The following CD226 variants were observed in gnomAD, a reference collection of about 807,000 sequenced individuals.
CD226 encodes the protein CD226 antigen.
In CD226, 24 loss-of-function variants were observed where a neutral mutation model predicts 34.9. The observed-to-expected ratio is 0.69, with a 90% CI of 0.50 to 0.97. CD226 has a LOEUF of 0.97. Ranked by LOEUF, CD226 falls within the 50% of genes least tolerant of loss-of-function variation. The probability of loss-of-function intolerance (pLI) is 0.00; values close to 1 mark genes in which losing one functional copy is unlikely to be tolerated. For synonymous variants in CD226, 148 were observed against 147.4 expected, an observed-to-expected ratio of 1.00 and a Z score of -0.03; for missense variants, 397 against 412.7, an observed-to-expected ratio of 0.96 and a Z score of 0.33.
chr18:69,884,074 C>G (rs572763529), intron 3 of CD226, among the ~76,000 whole-genome samples: 12 of 152,332 alleles, frequency 7.9e-5, no homozygotes, highest in African/African-American at 2.2e-4. Context: ...CCCCAGCAGT[C>G]AGAGAATTGT....
chr18:69,854,604 C>G lies in CD226; in HGVS notation c.*9710G>C, dbSNP rs1982561080. On this transcript the variant is annotated 3_prime_UTR_variant, in exon 6 of 6. Transcript: ENST00000582621. ...ACAATTCCCAAACCTCATCCCAGCC[C>G]CTGAAGTCTCCCTGTCCCACTTAAG... 1 of 152,264 alleles carries G rather than the reference C, an allele frequency of 6.6e-6. No individual in the cohort carries two copies. Among genetic ancestry groups the G allele is most frequent in the South Asian group, 2.1e-4 (1 of 4,836 alleles). 9.4% of individuals were successfully genotyped at this position (152,264 alleles called of 1,614,324 possible).
At chr18:69,902,385 C>T (rs568625352) in intron 2 of CD226, among the ~76,000 whole-genome samples, 1 of 152,144 alleles carries the variant, frequency 6.6e-6, no homozygotes, top group South Asian at 2.1e-4. Flanking sequence ...CATCCATTTC[C>T]ACCCTTCTAC....
At chr18:69,926,779 G>A (rs2055527403) in intron 2 of CD226, among the ~76,000 whole-genome samples, 1 of 152,146 alleles carries the variant, frequency 6.6e-6, no homozygotes, top group Non-Finnish European at 1.5e-5. Flanking sequence ...TTATACATGA[G>A]TACTTTCTAT....
At chr18:69,924,692 C>CAAAAAAAAA (rs56118102) in intron 2 of CD226, among the ~76,000 whole-genome samples, 902 of 57,034 alleles carry the variant, frequency 0.016, 67 homozygotes, top group African/African-American at 0.037. Context: ...AAGGTATTGC[C>CAAAAAAAAA]AAAAAAAAAA....
intron 2 of CD226, among the ~76,000 whole-genome samples, chr18:69,945,025 C>T (rs1444503086): frequency 6.6e-6 from 1 of 152,154 alleles, no homozygotes; most frequent in African/African-American, 2.4e-5. Context: ...TTTTAGAGCA[C>T]AGATCCCTTA....
Position 69,855,765 on chromosome 18 carries a change from G to A in CD226, c.*8549C>T, listed in dbSNP as rs183570877. The A allele has an allele frequency of 6.3e-4, 96 of 152,224 alleles. No homozygotes were observed. Among genetic ancestry groups the A allele is most frequent in the African/African-American group, 2.1e-3 (89 of 41,544 alleles). The allele number at this position is 152,224 out of a possible 1,614,324, so 9.4% of individuals were successfully genotyped here. A position where few individuals can be genotyped will look rare whatever the true frequency, so the allele number is the denominator to read the frequency against. ...GGAGGATAAAAAAGAAAGAACGAGTGCAAGGATAGAAAAGTTACAAACATA... is the reference window on the plus strand; with the variant it reads ...GGAGGATAAAAAAGAAAGAACGAGTACAAGGATAGAAAAGTTACAAACATA... On this transcript the variant is annotated 3_prime_UTR_variant, in exon 6 of 6. Transcript: ENST00000582621.
At chr18:69,959,665 C>T (rs2055920453), upstream of CD226, among the ~76,000 whole-genome samples, 1 of 152,054 alleles carries the variant, frequency 6.6e-6, no homozygotes. Context: ...TTTAAGTCAC[C>T]ATTTTGCAAC....
At position 69,940,729 on chromosome 18, in the gene CD226, T is replaced by C. The variant is rs568772386; in HGVS notation, c.382+6005A>G. On this transcript the variant is annotated intron_variant, in intron 2 of 5. Transcript: ENST00000582621. Reference sequence around the variant, plus strand: ...AGCAGAGCATAAAAAATTTGGAAAATTTGCAGCCTGATGATGCGACAGAAA... The same window carrying C: ...AGCAGAGCATAAAAAATTTGGAAAACTTGCAGCCTGATGATGCGACAGAAA... Among the ~76,000 whole-genome samples, 25 of 152,142 alleles carry C rather than the reference T, an allele frequency of 1.6e-4. No individual in the cohort carries two copies. In the South Asian group the frequency reaches 4.6e-3, roughly 28 times the overall value.
In CD226 at chr18:69,862,595, T is replaced by TC. The variant is rs1373782052; in HGVS notation, c.*1718dup. ...CCAGGAAATGGTCGTTTTTATTTTT[T>TC]CACTCCTGAAAAGGGTTAAAAGAAA... is the stretch of plus-strand genomic sequence containing the variant. On this transcript the variant is annotated 3_prime_UTR_variant, in exon 6 of 6. Transcript: ENST00000582621. 3 of 152,202 alleles carry TC rather than the reference T, an allele frequency of 2.0e-5. No individual in the cohort carries two copies. The highest frequency in any genetic ancestry group is 7.2e-5 in the African/African-American group (3 of 41,466). The allele number at this position is 152,202 out of a possible 1,614,324, so 9.4% of individuals were successfully genotyped here.
chr18:69,894,954 T>A (rs913556570), intron 3 of CD226, among the ~76,000 whole-genome samples: 2 of 152,034 alleles, frequency 1.3e-5, no homozygotes, highest in African/African-American at 4.8e-5. Context: ...ATGCCTAATA[T>A]ACAAATAGTG....
chr18:69,939,050 C>T (rs2055690310), intron 2 of CD226, among the ~76,000 whole-genome samples: 1 of 152,210 alleles, frequency 6.6e-6, no homozygotes, highest in African/African-American at 2.4e-5. Flanking sequence ...CATGCCACTG[C>T]ACTCCAGCCT....
At chr18:69,927,488 T>A (rs1371775880) in intron 2 of CD226, among the ~76,000 whole-genome samples, 1 of 152,092 alleles carries the variant, frequency 6.6e-6, no homozygotes, top group Admixed American at 6.6e-5. Context: ...TTTTCAGAAC[T>A]CTTTTTATCT....
chr18:69,873,115 T>G (rs369379464), intron 4 of CD226, 29 bp downstream of exon 4: 561 of 1,177,800 alleles, frequency 4.8e-4, no homozygotes, highest in Non-Finnish European at 6.0e-4. Flanking sequence ...ACATGGTGAA[T>G]AAGATTCAGC....
At chr18:69,912,874 G>A (rs1199155880) in intron 2 of CD226, among the ~76,000 whole-genome samples, 1 of 151,218 alleles carries the variant, frequency 6.6e-6, no homozygotes, top group African/African-American at 2.5e-5. Flanking sequence ...TGTAACAAAT[G>A]GGATCTGTTT....
upstream of CD226, among the ~76,000 whole-genome samples, chr18:69,950,437 T>C (rs2055842712): frequency 6.6e-6 from 1 of 152,166 alleles, no homozygotes; most frequent in Non-Finnish European, 1.5e-5. Flanking sequence ...GAAGTGCATG[T>C]CACGTTATGA....
At chr18:69,929,894 C>T (rs1281872657) in intron 2 of CD226, among the ~76,000 whole-genome samples, 1 of 152,170 alleles carries the variant, frequency 6.6e-6, no homozygotes, top group Non-Finnish European at 1.5e-5. Flanking sequence ...CTCTCTCTGT[C>T]TCTGTGTGTC....
At chr18:69,879,989 T>C (rs1369893162) in intron 3 of CD226, among the ~76,000 whole-genome samples, 2 of 152,238 alleles carry the variant, frequency 1.3e-5, no homozygotes, top group Non-Finnish European at 2.9e-5. Flanking sequence ...GTCATGATCA[T>C]GTCACCATAT....
intron 2 of CD226, among the ~76,000 whole-genome samples, chr18:69,897,930 T>C (rs879561843): frequency 2.6e-4 from 40 of 152,096 alleles, no homozygotes; most frequent in Non-Finnish European, 3.5e-4. Flanking sequence ...GTACAACCGT[T>C]TACCAAAGGT....
chr18:69,901,745 G>A (rs1460915454), intron 2 of CD226, among the ~76,000 whole-genome samples: 1 of 151,990 alleles, frequency 6.6e-6, no homozygotes, highest in Non-Finnish European at 1.5e-5. Flanking sequence ...CGGGCGTGGT[G>A]GCAGGTGCCT....
Sources: gnomAD v4.1 joint callset for allele counts (sites outside exome capture counted in the v4.1 genomes callset) on GRCh38, gnomAD v4.1.1 for gene constraint, MANE v1.5 for transcripts, NCBI Gene and HGNC (gene_info 2026-07-23, HGNC 2026-07-21) for gene names.